Variants in EYS observed in about 807,000 individuals in gnomAD.
EYS encodes protein eyes shut homolog.
A neutral mutation model predicts 282.1 loss-of-function variants in EYS; 250 were observed. The observed-to-expected ratio is 0.89, with a 90% confidence interval of 0.80 to 0.98. EYS has a LOEUF of 0.98. EYS is among the 50% of genes least tolerant of loss of function. The probability of loss-of-function intolerance (pLI) is 0.00; values close to 1 mark genes in which losing one functional copy is unlikely to be tolerated. For missense variants in EYS, 4,016 were observed against 3,709.0 expected (o/e 1.08, Z -2.15); for synonymous variants, 1,355 against 1,282.9 (o/e 1.06, Z -1.20).
intron 22 of EYS, among the ~76,000 whole-genome samples, chr6:64,732,508 T>TA (rs976583817): frequency 6.6e-6 from 1 of 152,176 alleles, no homozygotes; most frequent in Non-Finnish European, 1.5e-5. Context: ...GTAAAAGAGA[T>TA]AAAAAACAAC....
Position 65,508,535 on chromosome 6 carries a change from G to A in EYS, c.-332-12542C>T, listed in dbSNP as rs372278843. On this transcript the variant is annotated intron_variant, in intron 2 of 42. Transcript: ENST00000503581. ...AAAAAATATAAAAAATTAGCTGGGC[G>A]TGGTGGCAGGCGCCTGTAGTCCCAG... Among the ~76,000 whole-genome samples the A allele has an allele frequency of 3.8e-4, 57 of 151,844 alleles. No individual in the cohort carries two copies. The South Asian group carries it at 5.2e-3, about 14-fold the overall frequency.
chr6:64,540,083 G>T (rs1229036577), intron 26 of EYS, among the ~76,000 whole-genome samples: 2 of 152,202 alleles, frequency 1.3e-5, no homozygotes, highest in Non-Finnish European at 2.9e-5. Context: ...CAAGTGGAAT[G>T]ATTTTCCGGA....
At chr6:63,738,749 T>A (rs1478497373) in intron 41 of EYS, among the ~76,000 whole-genome samples, 1 of 151,992 alleles carries the variant, frequency 6.6e-6, no homozygotes. Context: ...ATAAAAAAAA[T>A]ACATACAGAC....
chr6:64,002,562 C>G (rs1768146811), intron 33 of EYS, among the ~76,000 whole-genome samples: 1 of 152,218 alleles, frequency 6.6e-6, no homozygotes, highest in Non-Finnish European at 1.5e-5. Flanking sequence ...AAGCACTCAC[C>G]CTAGCCTCTG....
At chr6:64,845,057 G>A (rs1204100141) in intron 19 of EYS, among the ~76,000 whole-genome samples, 1 of 152,140 alleles carries the variant, frequency 6.6e-6, no homozygotes, top group African/African-American at 2.4e-5. Context: ...GGGAGGCAGA[G>A]GCGGGAGGAT....
At chr6:65,213,962 C>A (rs1335156003) in intron 12 of EYS, among the ~76,000 whole-genome samples, 1 of 151,710 alleles carries the variant, frequency 6.6e-6, no homozygotes, top group Non-Finnish European at 1.5e-5. Context: ...AGACAGAGAC[C>A]ATCCTGGCTA....
At chr6:64,236,366 T>C (rs1233089550) in intron 30 of EYS, among the ~76,000 whole-genome samples, 2 of 152,216 alleles carry the variant, frequency 1.3e-5, no homozygotes, top group African/African-American at 4.8e-5. Context: ...TTTTTGGCTA[T>C]TGTAAATAAT....
At chr6:65,016,023 A>G (rs1052886564) in intron 13 of EYS, among the ~76,000 whole-genome samples, 1 of 150,330 alleles carries the variant, frequency 6.7e-6, no homozygotes, top group African/African-American at 2.4e-5. Context: ...CCAGGCTGGC[A>G]GCAGAGCGAG....
intron 1 of EYS, among the ~76,000 whole-genome samples, chr6:65,651,976 A>T (rs1051370986): frequency 2.0e-5 from 3 of 151,934 alleles, no homozygotes; most frequent in African/African-American, 7.2e-5. Flanking sequence ...TTTTTTTTAC[A>T]CTAAATCCCT....
chr6:64,198,027 C>T (rs954249370), intron 31 of EYS, among the ~76,000 whole-genome samples: 7 of 151,840 alleles, frequency 4.6e-5, no homozygotes, highest in Non-Finnish European at 1.0e-4. Context: ...GAGTCTCGCT[C>T]TGTTGCCCAG....
intron 12 of EYS, among the ~76,000 whole-genome samples, chr6:65,131,786 G>A (rs1383381217): frequency 6.6e-6 from 1 of 151,898 alleles, no homozygotes; most frequent in Non-Finnish European, 1.5e-5. Flanking sequence ...AAATCCAGGA[G>A]TTGGTTTTTT....
chr6:64,100,072 G>A (rs77979299), intron 31 of EYS, among the ~76,000 whole-genome samples: 6,377 of 152,024 alleles, frequency 0.042, 394 homozygotes, highest in African/African-American at 0.14. Flanking sequence ...CTAAATGAAG[G>A]TTTACCTGTG....
chr6:65,005,409 G>A (rs1771611712), intron 13 of EYS, among the ~76,000 whole-genome samples: 1 of 147,466 alleles, frequency 6.8e-6, no homozygotes, highest in Non-Finnish European at 1.5e-5. Context: ...AAGAGCCCCA[G>A]GTCAGAGAAC....
At chr6:65,447,533 T>A (rs1463001000) in intron 5 of EYS, among the ~76,000 whole-genome samples, 1 of 151,590 alleles carries the variant, frequency 6.6e-6, no homozygotes, top group African/African-American at 2.4e-5. Context: ...TGTATTTATT[T>A]TTTTGCATAG....
intron 35 of EYS, among the ~76,000 whole-genome samples, chr6:63,951,730 A>C (rs1274700354): frequency 6.6e-6 from 1 of 151,880 alleles, no homozygotes; most frequent in Non-Finnish European, 1.5e-5. Context: ...TTTCATCTTA[A>C]AGAGGTGGCT....
intron 5 of EYS, among the ~76,000 whole-genome samples, chr6:65,461,391 G>C (rs538740537): frequency 6.6e-6 from 1 of 152,236 alleles, no homozygotes; most frequent in East Asian, 1.9e-4. Context: ...ATGACACCAA[G>C]CGACTGTTGA....
chr6:65,225,282 T>A (rs1014756643), intron 12 of EYS, among the ~76,000 whole-genome samples: 4 of 149,584 alleles, frequency 2.7e-5, no homozygotes, highest in Non-Finnish European at 1.5e-5. Flanking sequence ...ATTGAAAATA[T>A]TTGAATCTAT....
At chr6:65,381,041 T>TTGAACTAATG (rs1765590847) in intron 8 of EYS, among the ~76,000 whole-genome samples, 1 of 152,114 alleles carries the variant, frequency 6.6e-6, no homozygotes, top group Non-Finnish European at 1.5e-5. Flanking sequence ...GTTCAACCAT[T>TTGAACTAATG]GTGGAAGACA....
chr6:64,531,549 GTTTAT>G (rs201525645), intron 26 of EYS, among the ~76,000 whole-genome samples: 56,095 of 123,652 alleles, frequency 0.45, 11,969 homozygotes, highest in South Asian at 0.58. Flanking sequence ...ACCACGCCTG[GTTTAT>G]TTTATTTTAT....
Sources: gnomAD v4.1 joint callset for allele counts (sites outside exome capture counted in the v4.1 genomes callset) on GRCh38, gnomAD v4.1.1 for gene constraint, MANE v1.5 for transcripts, NCBI Gene and HGNC (gene_info 2026-07-23, HGNC 2026-07-21) for gene names.